The following COL6A3 variants were observed in gnomAD, a reference collection of about 807,000 sequenced individuals.
COL6A3 encodes the protein collagen type VI alpha 3 chain, also known as collagen alpha-3(VI) chain.
A neutral mutation model predicts 274.1 loss-of-function variants in COL6A3; 137 were observed. The observed-to-expected ratio is 0.50, with a 90% CI of 0.44 to 0.58. The LOEUF is 0.58. Ranked by LOEUF, COL6A3 falls within the 20% of genes least tolerant of loss-of-function variation. The probability of loss-of-function intolerance (pLI) is 0.00; values close to 1 mark genes in which losing one functional copy is unlikely to be tolerated. For synonymous variants in COL6A3, 1,650 were observed against 1,650.6 expected (o/e 1.00, Z 0.01); for missense variants, 3,950 against 4,124.9 (o/e 0.96, Z 1.16).
At chr2:237,366,100 C>T (rs2077545769) in intron 11 of COL6A3, 65 bp from the exon 12 acceptor site, 3 of 1,440,740 alleles carry the variant, frequency 2.1e-6, no homozygotes, top group Non-Finnish European at 2.9e-6. Flanking sequence ...TCTACTTATA[C>T]CAGCAGTAGG....
intron 23 of COL6A3, 81 bp from the exon 24 acceptor site, chr2:237,355,015 C>T: frequency 1.5e-6 from 2 of 1,305,038 alleles, no homozygotes; most frequent in Admixed American, 1.9e-5. Context: ...TCAGACTTCA[C>T]CCTCTTATTC....
chr2:237,328,775 C>G (rs1367263318), intron 42 of COL6A3: 1 of 152,138 alleles, frequency 6.6e-6, no homozygotes, highest in Non-Finnish European at 1.5e-5. Context: ...ATATTGATTT[C>G]CAAATCACGA....
At position 237,358,034 on chromosome 2, in the gene COL6A3, G is replaced by A. The variant is rs755831397; in HGVS notation, c.6472-152C>T. The A allele has an allele frequency of 4.6e-4, 357 of 779,184 alleles. 1 individual carries two copies. The highest frequency in any genetic ancestry group is 6.5e-4 in the Non-Finnish European group (284 of 434,966). The allele number at this position is 779,184 out of a possible 1,614,324, so 48.3% of individuals were successfully genotyped here. A position where few individuals can be genotyped will look rare whatever the true frequency, so the allele number is the denominator to read the frequency against. On this transcript the variant is annotated intron_variant, in intron 21 of 43. Coordinates refer to ENST00000295550, the MANE Select transcript of COL6A3 (RefSeq NM_004369.4). ...CACAACCCATCCAGGTAACATCCAT[G>A]CAGGTCTTACGAAACCCAATCACGG...
At position 237,380,971 on chromosome 2, in the gene COL6A3, T is replaced by C; in HGVS notation, c.1841A>G (p.Gln614Arg). 1 of 1,614,154 alleles carries C rather than the reference T, an allele frequency of 6.2e-7. No individual in the cohort carries two copies. The highest frequency in any genetic ancestry group is 8.5e-7 in the Non-Finnish European group (1 of 1,180,018). The change falls in exon 5 of 44, where the codon CAA becomes CGA. Residue 614 changes from glutamine (Q) to arginine (R), a missense_variant. Physicochemically the swap from Gln to Arg is conservative, Grantham distance 43 (BLOSUM62 1). Transcript: ENST00000295550. ...IPAEFRAAPL[Q>R]GMLPGLLAPL... Reference sequence around the variant, plus strand: ...TGCCAGCAAGCCAGGCAGCATGCCTTGCAATGGGGCGGCTCGGAACTCAGC... The same window carrying C: ...TGCCAGCAAGCCAGGCAGCATGCCTCGCAATGGGGCGGCTCGGAACTCAGC...
At chr2:237,406,339 C>T (rs2078718103) in intron 1 of COL6A3, among the ~76,000 whole-genome samples, 1 of 152,148 alleles carries the variant, frequency 6.6e-6, no homozygotes, top group Admixed American at 6.5e-5. Flanking sequence ...AAAACAAAGA[C>T]TCAAATAAAT....
chr2:237,344,294 C>T lies in COL6A3; in HGVS notation c.7668+56G>A. ...AAAGGAGCATGGACGTGTCTGAGAACCTTCTCAGAGCCCCAGAAGAAAGGG... is the reference window on the plus strand; with the variant it reads ...AAAGGAGCATGGACGTGTCTGAGAATCTTCTCAGAGCCCCAGAAGAAAGGG... On this transcript the variant is annotated intron_variant, in intron 36 of 43. Coordinates refer to ENST00000295550, the MANE Select transcript of COL6A3 (RefSeq NM_004369.4). This position sits in a 1 kb window ranked among gnomAD's most constrained non-coding sequence, Gnocchi z 4.8. 6.2e-7 allele frequency: 1 copy of T among 1,612,380 alleles called. No homozygotes were observed. The highest frequency in any genetic ancestry group is 2.2e-5 in the East Asian group (1 of 44,888).
intron 1 of COL6A3, among the ~76,000 whole-genome samples, chr2:237,400,053 T>C (rs1348362155): frequency 6.6e-6 from 1 of 152,236 alleles, no homozygotes; most frequent in Admixed American, 6.5e-5. Context: ...ATATTGGAAA[T>C]GATATAGTGT....
rs1399648380 is a variant in COL6A3, at chr2:237,340,914, G to T, written c.8002C>A (p.Gln2668Lys). Residue 2668 changes from glutamine (Q) to lysine (K), a missense_variant, in exon 38 of 44, where the codon CAG becomes AAG. Transcript: ENST00000295550. ...SQHFARVAVV[Q>K]HAPSESVDNA... ...TCCACGGACTCAGAGGGCGCGTGCT[G>T]CACAACTGCCACTCTGGCGAAGTGC... 6 of 1,613,304 alleles carry T rather than the reference G, an allele frequency of 3.7e-6. No homozygotes were observed. The highest frequency in any genetic ancestry group is 5.1e-6 in the Non-Finnish European group (6 of 1,179,338).
intron 3 of COL6A3, among the ~76,000 whole-genome samples, chr2:237,392,515 C>T (rs2078317580): frequency 6.6e-6 from 1 of 152,170 alleles, no homozygotes; most frequent in South Asian, 2.1e-4. Flanking sequence ...CTCCATCAGT[C>T]ACCTCACCTC....
intron 42 of COL6A3, chr2:237,329,999 T>G (rs962873499): frequency 2.0e-5 from 3 of 152,210 alleles, no homozygotes; most frequent in Non-Finnish European, 4.4e-5. Flanking sequence ...ATAAAGGACA[T>G]GGTGATTTTG....
chr2:237,365,071 C>A (rs1036720127), intron 12 of COL6A3, among the ~76,000 whole-genome samples: 4 of 148,724 alleles, frequency 2.7e-5, no homozygotes, highest in African/African-American at 7.5e-5. Flanking sequence ...TTAATGAGAT[C>A]TTTAGAGTGA....
At chr2:237,357,186 A>G in intron 23 of COL6A3, 152 bp downstream of exon 23, 1 of 788,684 alleles carries the variant, frequency 1.3e-6, no homozygotes, top group Non-Finnish European at 2.3e-6. Flanking sequence ...AATTATAAGA[A>G]TGAAAATAGA....
At position 237,374,230 on chromosome 2, in the gene COL6A3, C is replaced by T. The variant is rs767838883; in HGVS notation, c.3679+182G>A. Among the ~76,000 whole-genome samples the T allele has an allele frequency of 3.9e-5, 6 of 152,230 alleles. No homozygotes were observed. Among genetic ancestry groups the T allele is most frequent in the South Asian group, 2.1e-4 (1 of 4,832 alleles). On this transcript the variant is annotated intron_variant, in intron 8 of 43. Transcript: ENST00000295550. This position sits in a 1 kb window ranked among gnomAD's most constrained non-coding sequence, Gnocchi z 4.8. ...GAATCTTAGCATCTCCCCCCTTGAA[C>T]CTCTGCCATTTCTGCCCATCGAGGC...
At chr2:237,398,617 C>T (rs2078511640) in intron 1 of COL6A3, among the ~76,000 whole-genome samples, 1 of 152,202 alleles carries the variant, frequency 6.6e-6, no homozygotes, top group African/African-American at 2.4e-5. Context: ...CGGGGCTGCC[C>T]ACAGGACCCT....
At chr2:237,346,060 G>A (rs1252858589) in intron 32 of COL6A3, among the ~76,000 whole-genome samples, 1 of 152,200 alleles carries the variant, frequency 6.6e-6, no homozygotes, top group Non-Finnish European at 1.5e-5. Flanking sequence ...GGCTCCTGGT[G>A]GCAGCATGAC....
intron 1 of COL6A3, among the ~76,000 whole-genome samples, chr2:237,397,576 T>C (rs925194458): frequency 1.3e-5 from 2 of 152,042 alleles, no homozygotes; most frequent in African/African-American, 4.8e-5. Flanking sequence ...TAGGCAGAGC[T>C]CTCTGTCTAA....
intron 43 of COL6A3, 45 bp downstream of exon 43, chr2:237,325,515 A>G (rs2106298908): frequency 2.5e-6 from 4 of 1,606,092 alleles, no homozygotes; most frequent in Middle Eastern, 1.7e-4. Context: ...ATTGACCTGA[A>G]TCTCTTATTT....
chr2:237,363,185 T>G, intron 14 of COL6A3, 68 bp downstream of exon 14: 3 of 1,478,582 alleles, frequency 2.0e-6, no homozygotes. Context: ...ATTAACTTCA[T>G]TCTCTTGAAA....
At chr2:237,365,604 T>G in intron 12 of COL6A3, 94 bp downstream of exon 12, 1 of 1,077,696 alleles carries the variant, frequency 9.3e-7, no homozygotes, top group East Asian at 2.4e-5. Flanking sequence ...CAGTGAAACA[T>G]GAAGAGGATT....
Sources: allele counts gnomAD v4.1 joint callset (sites outside exome capture counted in the v4.1 genomes callset), GRCh38; gene constraint gnomAD v4.1.1; non-coding constraint Gnocchi (gnomAD v3.1); transcripts MANE v1.5; gene names NCBI Gene and HGNC (gene_info 2026-07-23, HGNC 2026-07-21).